Variants in SYNM observed in about 807,000 individuals in gnomAD.
SYNM encodes the protein desmuslin.
SYNM carries 95 observed loss-of-function variants against 104.0 expected under a neutral mutation model. That is an observed-to-expected ratio of 0.91 (90% CI 0.77 to 1.08). SYNM has a LOEUF of 1.08. Among genes scored for constraint, SYNM ranks in the 50% least tolerant of loss-of-function variants. The probability of loss-of-function intolerance (pLI) is 0.00; values close to 1 mark genes in which losing one functional copy is unlikely to be tolerated. For missense variants in SYNM, 2,150 were observed against 2,052.2 expected (o/e 1.05, Z -0.92); for synonymous variants, 918 against 869.0 (o/e 1.06, Z -0.99).
chr15:99,123,367 A>G (rs1939912963), intron 2 of SYNM, among the ~76,000 whole-genome samples: 1 of 147,876 alleles, frequency 6.8e-6, no homozygotes, highest in Non-Finnish European at 1.5e-5. Flanking sequence ...TTGAATACTG[A>G]CCCCAGAAGC....
intron 2 of SYNM, among the ~76,000 whole-genome samples, chr15:99,123,083 CT>C (rs2067415840): frequency 6.6e-6 from 1 of 152,142 alleles, no homozygotes; most frequent in African/African-American, 2.4e-5. Flanking sequence ...GTTCTGAGAA[CT>C]TTCTGCTTCT....
At chr15:99,108,475 G>C (rs574987848) in intron 1 of SYNM, among the ~76,000 whole-genome samples, 1 of 152,284 alleles carries the variant, frequency 6.6e-6, no homozygotes, top group South Asian at 2.1e-4. Flanking sequence ...CCCCAAGCCT[G>C]TAATTTTTTT....
At chr15:99,114,177 A>C (rs1015031333) in intron 2 of SYNM, among the ~76,000 whole-genome samples, 10 of 152,190 alleles carry the variant, frequency 6.6e-5, no homozygotes, top group African/African-American at 2.2e-4. Context: ...TAATTGACTC[A>C]CAGTTATTCC....
chr15:99,131,848 G>T lies in SYNM; in HGVS notation c.3488G>T (p.Ser1163Ile), dbSNP rs2067512537. The T allele has an allele frequency of 6.2e-7, 1 of 1,613,736 alleles. No homozygotes were observed. Among genetic ancestry groups the T allele is most frequent in the African/African-American group, 1.3e-5 (1 of 74,944 alleles). ...GGAGGTGACCTAAGTCAGGCAGCGA[G>T]CCCGACCGGAGCCAGCCGGTCTGTG... ...SAGGDLSQAA[S>I]PTGASRSVRH... Residue 1163 changes from serine (S) to isoleucine (I), a missense_variant, in exon 4 of 4, where the codon AGC (serine) becomes ATC (isoleucine). By Grantham distance (142) the Ser-to-Ile change is moderately radical. Coordinates refer to ENST00000336292, the MANE Select transcript of SYNM (RefSeq NM_145728.3). This position sits in a 1 kb window ranked among gnomAD's most constrained non-coding sequence, Gnocchi z 4.3.
downstream of SYNM, chr15:99,139,810 A>G: frequency 8.3e-7 from 1 of 1,199,220 alleles, no homozygotes; most frequent in Admixed American, 2.5e-5. Context: ...TTATTAATAT[A>G]TAGGCTGTCT....
chr15:99,132,637 C>T lies in SYNM; in HGVS notation c.4277C>T (p.Thr1426Ile), dbSNP rs781820632. The stretch of plus-strand genomic sequence containing the variant: ...GCCATCCGTGGACCCGTGTCCAGAA[C>T]ATTTGTGCTTGCTGGTTCAGCGGAC... ...HIAIRGPVSRTFVLAGSADSP... is the reference protein window; with the variant it reads ...HIAIRGPVSRIFVLAGSADSP... Residue 1426 changes from threonine to isoleucine, a missense_variant, in exon 4 of 4, where the codon ACA (threonine) becomes ATA (isoleucine). Transcript: ENST00000336292. The T allele has an allele frequency of 1.1e-5, 17 of 1,613,994 alleles. No homozygotes were observed. The highest frequency in any genetic ancestry group is 2.2e-5 in the South Asian group (2 of 91,076).
chr15:99,139,557 GT>G (rs1555489176), downstream of SYNM: 1 of 1,545,964 alleles, frequency 6.5e-7, no homozygotes. Flanking sequence ...CTGACCTTTG[GT>G]TTGGATGTTC....
intron 1 of SYNM, among the ~76,000 whole-genome samples, chr15:99,112,001 A>G (rs1363007277): frequency 6.6e-6 from 1 of 152,274 alleles, no homozygotes; most frequent in Admixed American, 6.5e-5. Context: ...GTGAGCCGAG[A>G]TTGTGCCATT....
intron 2 of SYNM, among the ~76,000 whole-genome samples, chr15:99,117,857 C>G (rs1167076464): frequency 6.6e-6 from 1 of 152,100 alleles, no homozygotes; most frequent in Non-Finnish European, 1.5e-5. Context: ...AGCAGTCTGT[C>G]AGCCAGGACA....
chr15:99,141,219 GTA>G, the SYNM span, among the ~76,000 whole-genome samples: 1 of 151,910 alleles, frequency 6.6e-6, no homozygotes, highest in East Asian at 1.9e-4. Flanking sequence ...TATTATATAT[GTA>G]TGTGATATAT....
chr15:99,138,032 C>G (rs202124987), downstream of SYNM: 3 of 1,614,060 alleles, frequency 1.9e-6, no homozygotes, highest in Non-Finnish European at 2.5e-6. Flanking sequence ...TGTGCCGGGC[C>G]GGGCCTTCCC....
In SYNM at chr15:99,132,716, A is replaced by C. The variant is rs2067524542; in HGVS notation, c.4356A>C (p.Ala1452=). Residue 1452 remains alanine (A), a synonymous_variant, in exon 4 of 4, where the codon GCA becomes GCC. Transcript: ENST00000336292. ...GCAGCAGAACGCTAAGGCACATTGCACCAGGGCCCAAAGAAACTTCGTTTA... is the reference window on the plus strand; with the variant it reads ...GCAGCAGAACGCTAAGGCACATTGCCCCAGGGCCCAAAGAAACTTCGTTTA... The part of the protein sequence containing the change: ...ADSSRTLRHI[A]PGPKETSFTF... 2 of 1,613,880 alleles carry C rather than the reference A, an allele frequency of 1.2e-6. No homozygotes were observed. The highest frequency in any genetic ancestry group is 1.7e-6 in the Non-Finnish European group (2 of 1,179,896).
chr15:99,119,598 C>T (rs922154915), intron 2 of SYNM, among the ~76,000 whole-genome samples: 17 of 152,172 alleles, frequency 1.1e-4, no homozygotes, highest in Non-Finnish European at 2.9e-5. Context: ...CTTAGAGCTG[C>T]CCTGGGCCTG....
In SYNM at chr15:99,132,851, T is replaced by G. The variant is rs1363941555; in HGVS notation, c.4491T>G (p.Asn1497Lys). The G allele has an allele frequency of 4.3e-6, 7 of 1,613,702 alleles. No individual in the cohort carries two copies. Among genetic ancestry groups the G allele is most frequent in the Non-Finnish European group, 1.7e-6 (2 of 1,179,844 alleles). ...RGSWRDADSR[N>K]DQAVGVSFKA... ...CCTGGAGAGACGCGGACAGTAGGAA[T>G]GACCAGGCAGTTGGTGTGAGCTTTA... The change falls in exon 4 of 4, where the codon AAT becomes AAG. Residue 1497 changes from asparagine (N) to lysine (K), a missense_variant. Asn to Lys is a moderately conservative substitution (Grantham distance 94). Coordinates refer to ENST00000336292, the MANE Select transcript of SYNM (RefSeq NM_145728.3).
chr15:99,107,951 G>GT (rs1257463664), intron 1 of SYNM, among the ~76,000 whole-genome samples: 49 of 54,478 alleles, frequency 9.0e-4, no homozygotes, highest in Admixed American at 1.7e-3. Context: ...TTTTTGTTTT[G>GT]TTTTTTTTTT....
Position 99,129,823 on chromosome 15 carries a change from G to C in SYNM, c.1463G>C (p.Arg488Pro). 1 of 1,613,608 alleles carries C rather than the reference G, an allele frequency of 6.2e-7. No individual in the cohort carries two copies. Among genetic ancestry groups the C allele is most frequent in the Non-Finnish European group, 8.5e-7 (1 of 1,179,830 alleles). ...KVAAGASEST[R>P]SNERTVILGK... ...GCAGCAGGTGCTTCGGAAAGCACACGGTCAAATGAGAGGACCGTCATTCTG... is the reference window on the plus strand; with the variant it reads ...GCAGCAGGTGCTTCGGAAAGCACACCGTCAAATGAGAGGACCGTCATTCTG... The change falls in exon 4 of 4, where the codon CGG (arginine) becomes CCG (proline). Residue 488 changes from arginine (R) to proline (P), a missense_variant. Coordinates refer to ENST00000336292, the MANE Select transcript of SYNM (RefSeq NM_145728.3).
intron 2 of SYNM, among the ~76,000 whole-genome samples, chr15:99,114,313 A>G (rs781851829): frequency 4.6e-5 from 7 of 152,082 alleles, no homozygotes; most frequent in Non-Finnish European, 1.0e-4. Context: ...TTAAAGCATC[A>G]GATCTCATGA....
At position 99,105,854 on chromosome 15, in the gene SYNM, A is replaced by G; in HGVS notation, c.655A>G (p.Ser219Gly). ...GGAGGCGCTGCGGCGCGGCCAGGAG[A>G]GCAGACTCCAGGCGGAGGAAGAGAC... ...LEEALRRGQESRLQAEEETRL... is the reference protein window; with the variant it reads ...LEEALRRGQEGRLQAEEETRL... Residue 219 changes from serine to glycine, a missense_variant, in exon 1 of 4, where the codon AGC (serine) becomes GGC (glycine). By Grantham distance (56) the Ser-to-Gly change is moderately conservative (BLOSUM62 0). Coordinates refer to ENST00000336292, the MANE Select transcript of SYNM (RefSeq NM_145728.3). 1 of 1,540,080 alleles carries G rather than the reference A, an allele frequency of 6.5e-7. No individual in the cohort carries two copies. The highest frequency in any genetic ancestry group is 8.7e-7 in the Non-Finnish European group (1 of 1,145,632).
At chr15:99,126,602 G>A in intron 2 of SYNM, 120 bp from the exon 3 acceptor site, 2 of 999,988 alleles carry the variant, frequency 2.0e-6, no homozygotes, top group Non-Finnish European at 3.0e-6. Flanking sequence ...TCCTCTTCAG[G>A]TAGAAGTCCT....
Sources: allele counts gnomAD v4.1 joint callset (sites outside exome capture counted in the v4.1 genomes callset), GRCh38; gene constraint gnomAD v4.1.1; non-coding constraint Gnocchi (gnomAD v3.1); transcripts MANE v1.5; gene names NCBI Gene and HGNC (gene_info 2026-07-23, HGNC 2026-07-21).